Variants in PCCA observed in about 807,000 individuals in gnomAD.
PCCA encodes propionyl-CoA carboxylase alpha chain, mitochondrial.
In PCCA, 74 loss-of-function variants were observed where a neutral mutation model predicts 101.3. The observed-to-expected ratio is 0.73, with a 90% CI of 0.61 to 0.89. PCCA has a LOEUF of 0.89. PCCA is among the 40% of genes least tolerant of loss of function. The pLI is 0.00. For missense variants in PCCA, 891 were observed against 907.0 expected, an observed-to-expected ratio of 0.98 and a Z score of 0.23; for synonymous variants, 294 against 313.6, an observed-to-expected ratio of 0.94 and a Z score of 0.66.
At chr13:100,324,308 T>C (rs16957301) in intron 16 of PCCA, among the ~76,000 whole-genome samples, 21,595 of 152,146 alleles carry the variant, frequency 0.14, 2,135 homozygotes, top group African/African-American at 0.27. Flanking sequence ...ATACTATTAG[T>C]ATCCTCTTGT....
intron 19 of PCCA, among the ~76,000 whole-genome samples, chr13:100,407,843 C>A (rs1205342952): frequency 6.6e-6 from 1 of 152,122 alleles, no homozygotes; most frequent in African/African-American, 2.4e-5. Flanking sequence ...TAACTCCTAG[C>A]AATTTTTAAC....
chr13:100,205,577 T>C (rs1295184042), intron 6 of PCCA, among the ~76,000 whole-genome samples: 1 of 130,014 alleles, frequency 7.7e-6, no homozygotes, highest in East Asian at 2.2e-4. Flanking sequence ...CATTTTTGGG[T>C]GAGTAATTTT....
intron 6 of PCCA, among the ~76,000 whole-genome samples, chr13:100,207,872 G>T (rs886456963): frequency 3.3e-5 from 5 of 151,932 alleles, no homozygotes; most frequent in Admixed American, 2.0e-4. Flanking sequence ...ACAAAAATTA[G>T]CTGGGCGTGG....
intron 1 of PCCA, among the ~76,000 whole-genome samples, chr13:100,089,963 G>C (rs2046127472): frequency 6.6e-6 from 1 of 152,132 alleles, no homozygotes; most frequent in Non-Finnish European, 1.5e-5. Context: ...AGTCAATGTC[G>C]AGTCTGTCGT....
At chr13:100,246,762 T>C (rs1428999527) in intron 8 of PCCA, among the ~76,000 whole-genome samples, 2 of 152,180 alleles carry the variant, frequency 1.3e-5, no homozygotes, top group Admixed American at 6.5e-5. Flanking sequence ...AATTGCTTTA[T>C]GGCTAAGGAA....
intron 21 of PCCA, among the ~76,000 whole-genome samples, chr13:100,458,961 G>C (rs2081990182): frequency 6.6e-6 from 1 of 152,114 alleles, no homozygotes; most frequent in Non-Finnish European, 1.5e-5. Context: ...AGTTCTGGGA[G>C]CCAGGAATCT....
chr13:100,352,649 C>T (rs1281116890), intron 18 of PCCA, among the ~76,000 whole-genome samples: 1 of 151,884 alleles, frequency 6.6e-6, no homozygotes, highest in Non-Finnish European at 1.5e-5. Context: ...CCACCTCAGC[C>T]TCCTGAAGTG....
chr13:100,385,496 C>T (rs1379732331), intron 19 of PCCA, among the ~76,000 whole-genome samples: 3 of 152,136 alleles, frequency 2.0e-5, no homozygotes, highest in African/African-American at 7.2e-5. Context: ...ACATGTGGCT[C>T]CTGCACATAT....
At chr13:100,206,190 A>G (rs939037362) in intron 6 of PCCA, among the ~76,000 whole-genome samples, 5 of 152,130 alleles carry the variant, frequency 3.3e-5, no homozygotes, top group African/African-American at 1.2e-4. Context: ...CACTTGTAAC[A>G]CCAGCAAATT....
chr13:100,493,281 C>A (rs1460656891), intron 21 of PCCA, among the ~76,000 whole-genome samples: 1 of 152,198 alleles, frequency 6.6e-6, no homozygotes, highest in Admixed American at 6.5e-5. Flanking sequence ...AGGGAACTCT[C>A]CCATTTCATT....
intron 6 of PCCA, among the ~76,000 whole-genome samples, chr13:100,163,805 T>TC (rs1453574448): frequency 6.6e-6 from 1 of 152,208 alleles, no homozygotes; most frequent in Non-Finnish European, 1.5e-5. Context: ...CCCCTTTTTT[T>TC]CCTTCTGTTT....
intron 16 of PCCA, among the ~76,000 whole-genome samples, chr13:100,313,479 G>A (rs2067095309): frequency 6.6e-6 from 1 of 152,118 alleles, no homozygotes; most frequent in African/African-American, 2.4e-5. Context: ...TGACTGGTTG[G>A]TTTGGGGATG....
At chr13:100,142,067 A>G (rs1165692682) in intron 4 of PCCA, among the ~76,000 whole-genome samples, 2 of 126,396 alleles carry the variant, frequency 1.6e-5, no homozygotes, top group South Asian at 2.6e-4. Flanking sequence ...TATTATATAC[A>G]GTTTTTCTTC....
chr13:100,347,173 C>T (rs748110622), intron 18 of PCCA, among the ~76,000 whole-genome samples: 7 of 152,218 alleles, frequency 4.6e-5, no homozygotes, highest in Non-Finnish European at 8.8e-5. Flanking sequence ...CCACGCCAGC[C>T]TAAACTACTT....
rs766758725 is a variant in PCCA at position 100,426,004 on chromosome 13, AG to A, written c.1845+274del. On this transcript the variant is annotated intron_variant, in intron 20 of 23. Transcript: ENST00000376285. ...TTCTGCAGGCTTTTCTAAAAATGCT[AG>A]ATTAGCTGTTTTTTTTTTTCCTCTG... Among the ~76,000 whole-genome samples the A allele has an allele frequency of 1.0e-3, 156 of 152,048 alleles. 1 individual carries two copies. In the Middle Eastern group the frequency reaches 0.024, roughly 23 times the overall value.
intron 8 of PCCA, among the ~76,000 whole-genome samples, chr13:100,251,629 A>G (rs190427798): frequency 1.3e-5 from 2 of 152,302 alleles, no homozygotes; most frequent in East Asian, 3.9e-4. Context: ...TTGTTTGGAT[A>G]TAGGATCATC....
intron 19 of PCCA, among the ~76,000 whole-genome samples, chr13:100,400,307 C>T (rs2077262614): frequency 6.6e-6 from 1 of 152,138 alleles, no homozygotes; most frequent in South Asian, 2.1e-4. Flanking sequence ...CAATACCTGC[C>T]AGTTCCTTTC....
chr13:100,248,751 A>AT (rs1406345747), intron 8 of PCCA, among the ~76,000 whole-genome samples: 2 of 151,678 alleles, frequency 1.3e-5, no homozygotes, highest in Admixed American at 6.6e-5. Flanking sequence ...TTATGTCTTT[A>AT]TTCTTTTTTT....
intron 16 of PCCA, among the ~76,000 whole-genome samples, chr13:100,316,042 G>T (rs1001449163): frequency 1.3e-5 from 2 of 152,062 alleles, no homozygotes; most frequent in African/African-American, 4.8e-5. Context: ...CTGATCTTTT[G>T]AGCTCTTAGG....
Sources: allele counts gnomAD v4.1 joint callset (sites outside exome capture counted in the v4.1 genomes callset), GRCh38; gene constraint gnomAD v4.1.1; transcripts MANE v1.5; gene names NCBI Gene and HGNC (gene_info 2026-07-23, HGNC 2026-07-21).